The following RUNDC3B variants were observed in gnomAD, a reference collection of about 807,000 sequenced individuals.
The protein encoded by RUNDC3B is RUN domain containing 3B.
In RUNDC3B, 33 loss-of-function variants were observed where a neutral mutation model predicts 58.4. The ratio of observed to expected loss-of-function variants is 0.56; its 90% CI spans 0.43 to 0.75. The LOEUF (loss-of-function observed/expected upper bound fraction) is 0.75. Ranked by LOEUF, RUNDC3B falls within the 30% of genes least tolerant of loss-of-function variation. RUNDC3B has a pLI of 0.00. For missense variants in RUNDC3B, 501 were observed against 535.7 expected (o/e 0.94, Z 0.64); for synonymous variants, 193 against 195.2 (o/e 0.99, Z 0.10).
chr7:87,755,816 A>G (rs145798718), intron 6 of RUNDC3B, among the ~76,000 whole-genome samples: 227 of 152,310 alleles, frequency 1.5e-3, no homozygotes, highest in African/African-American at 4.8e-3. Context: ...GGCATAAGAC[A>G]AGGTTGCTCT....
intron 2 of RUNDC3B, among the ~76,000 whole-genome samples, chr7:87,656,887 G>A (rs2130420914): frequency 6.6e-6 from 1 of 152,070 alleles, no homozygotes; most frequent in South Asian, 2.1e-4. Context: ...TTATTCAATT[G>A]TATTTATTGA....
intron 8 of RUNDC3B, among the ~76,000 whole-genome samples, chr7:87,802,001 C>T (rs1177403775): frequency 2.6e-5 from 4 of 152,046 alleles, no homozygotes; most frequent in African/African-American, 9.7e-5. Context: ...CGATATAAAG[C>T]GTCCATAGTG....
intron 8 of RUNDC3B, among the ~76,000 whole-genome samples, chr7:87,789,630 A>G (rs776160629): frequency 6.6e-6 from 1 of 152,236 alleles, no homozygotes; most frequent in Non-Finnish European, 1.5e-5. Flanking sequence ...TATGTATTAT[A>G]TAATCTACTG....
At chr7:87,709,956 G>T (rs986935207) in intron 3 of RUNDC3B, among the ~76,000 whole-genome samples, 1 of 152,032 alleles carries the variant, frequency 6.6e-6, no homozygotes, top group African/African-American at 2.4e-5. Context: ...AGAATATGCT[G>T]GCTTCTGTTT....
intron 4 of RUNDC3B, among the ~76,000 whole-genome samples, chr7:87,722,412 C>T (rs890008366): frequency 6.6e-6 from 1 of 152,250 alleles, no homozygotes; most frequent in East Asian, 1.9e-4. Flanking sequence ...ATAAGGTCAA[C>T]ATTTTAAAGT....
At chr7:87,791,589 G>C (rs1835524184) in intron 8 of RUNDC3B, among the ~76,000 whole-genome samples, 1 of 152,032 alleles carries the variant, frequency 6.6e-6, no homozygotes, top group South Asian at 2.1e-4. Flanking sequence ...TTAAAGTGTA[G>C]AGTGTTTATT....
chr7:87,800,121 G>C lies in RUNDC3B; in HGVS notation c.957-7252G>C, dbSNP rs190723134. Among the ~76,000 whole-genome samples the C allele has an allele frequency of 2.2e-4, 34 of 152,220 alleles. No individual in the cohort carries two copies. The East Asian group carries it at 6.4e-3, about 29-fold the overall frequency. The stretch of plus-strand genomic sequence containing the variant: ...TTGCATTGGAATATTTGGAACCACA[G>C]ATGTTACATCCTTAGATTTCAGGGG... On this transcript the variant is annotated intron_variant, in intron 8 of 10. Transcript: ENST00000394654.
At chr7:87,716,374 GA>G (rs1050287637) in intron 4 of RUNDC3B, among the ~76,000 whole-genome samples, 1 of 152,160 alleles carries the variant, frequency 6.6e-6, no homozygotes, top group Non-Finnish European at 1.5e-5. Flanking sequence ...AAAAACTTTT[GA>G]ATTCTCTGAA....
At chr7:87,747,158 CG>C (rs2130823199) in intron 6 of RUNDC3B, among the ~76,000 whole-genome samples, 1 of 152,256 alleles carries the variant, frequency 6.6e-6, no homozygotes, top group Admixed American at 6.5e-5. Flanking sequence ...TTTTGTCCCA[CG>C]GGGTGTTCCC....
At chr7:87,661,697 G>A (rs1260398951) in intron 2 of RUNDC3B, among the ~76,000 whole-genome samples, 2 of 151,916 alleles carry the variant, frequency 1.3e-5, no homozygotes, top group African/African-American at 4.8e-5. Context: ...ATTGTGAATA[G>A]TGCTGCAATA....
chr7:87,701,135 G>GA (rs536455130), intron 3 of RUNDC3B, among the ~76,000 whole-genome samples: 2 of 152,158 alleles, frequency 1.3e-5, no homozygotes, highest in Non-Finnish European at 2.9e-5. Context: ...GTTGCTTCAA[G>GA]AAAAACACTT....
chr7:87,711,791 T>C (rs1176123281), intron 4 of RUNDC3B, among the ~76,000 whole-genome samples: 3 of 152,200 alleles, frequency 2.0e-5, no homozygotes, highest in African/African-American at 7.2e-5. Flanking sequence ...TTTAGAGTGT[T>C]TTCCTCATCA....
At chr7:87,672,058 T>C (rs991657853) in intron 2 of RUNDC3B, among the ~76,000 whole-genome samples, 1 of 151,900 alleles carries the variant, frequency 6.6e-6, no homozygotes, top group Non-Finnish European at 1.5e-5. Flanking sequence ...CTGCTCAGAC[T>C]CTCCAAATCC....
At chr7:87,683,236 T>C (rs1315639578) in intron 2 of RUNDC3B, among the ~76,000 whole-genome samples, 3 of 152,190 alleles carry the variant, frequency 2.0e-5, no homozygotes, top group Non-Finnish European at 4.4e-5. Flanking sequence ...GGTTTGGTCT[T>C]CTATTCAGAC....
At chr7:87,700,315 A>T in intron 2 of RUNDC3B, 106 bp from the exon 3 acceptor site, 1 of 894,968 alleles carries the variant, frequency 1.1e-6, no homozygotes, top group Non-Finnish European at 1.6e-6. Context: ...TTGCCATTAT[A>T]GTTCACTATA....
rs183550321 is a variant in RUNDC3B, at chr7:87,716,133, T to C, written c.458+5478T>C. Among the ~76,000 whole-genome samples the C allele has an allele frequency of 2.9e-3, 436 of 152,310 alleles. 3 individuals carry two copies. Among genetic ancestry groups the C allele is most frequent in the African/African-American group, 9.8e-3 (408 of 41,580 alleles). ...ACCACGTTCAGAGTGATTACCACTT[T>C]GGGAAATCTGCCTACCATCATTAAA... is the stretch of plus-strand genomic sequence containing the variant. On this transcript the variant is annotated intron_variant, in intron 4 of 10. Coordinates refer to ENST00000394654, the MANE Select transcript of RUNDC3B (RefSeq NM_001134405.2).
chr7:87,629,077 A>G, intron 1 of RUNDC3B, 132 bp downstream of exon 1: 1 of 879,684 alleles, frequency 1.1e-6, no homozygotes, highest in Non-Finnish European at 1.5e-6. Context: ...GCGCCAGCCA[A>G]ATCTGTGAGC....
At chr7:87,760,971 G>A (rs1266060504) in intron 6 of RUNDC3B, among the ~76,000 whole-genome samples, 1 of 151,918 alleles carries the variant, frequency 6.6e-6, no homozygotes, top group Non-Finnish European at 1.5e-5. Context: ...AGAAAAAATA[G>A]ATAAATTGGA....
intron 8 of RUNDC3B, among the ~76,000 whole-genome samples, chr7:87,798,197 A>G (rs1248022104): frequency 1.3e-5 from 2 of 152,128 alleles, no homozygotes; most frequent in African/African-American, 4.8e-5. Context: ...TAAAATCCAG[A>G]TTTATTGCAA....
Sources: allele counts gnomAD v4.1 joint callset (sites outside exome capture counted in the v4.1 genomes callset), GRCh38; gene constraint gnomAD v4.1.1; transcripts MANE v1.5; gene names NCBI Gene and HGNC (gene_info 2026-07-23, HGNC 2026-07-21).